CCDC180: variants seen among roughly 807,000 people sequenced by gnomAD.
CCDC180 encodes the protein coiled-coil domain containing 180.
Under a neutral mutation model 209.2 loss-of-function variants are expected in CCDC180, and 154 were observed. That is an observed-to-expected ratio of 0.74 (90% confidence interval 0.65 to 0.84). The LOEUF is 0.84. Ranked by LOEUF, CCDC180 falls within the 40% of genes least tolerant of loss-of-function variation. The pLI is 0.00. For missense variants in CCDC180, 1,874 were observed against 1,997.3 expected (o/e 0.94, Z 1.18); for synonymous variants, 778 against 749.1 (o/e 1.04, Z -0.63).
At chr9:97,374,722 G>A (rs1196466807) in intron 35 of CCDC180, 74 bp downstream of exon 35, 1 of 1,216,496 alleles carries the variant, frequency 8.2e-7, no homozygotes, top group Admixed American at 1.9e-5. Context: ...AATGGTTAGG[G>A]GCTTGGACTC....
Position 97,369,954 on chromosome 9 carries a change from C to T in CCDC180, c.4222C>T (p.Leu1408=). 1 of 1,614,172 alleles carries T rather than the reference C, an allele frequency of 6.2e-7. No homozygotes were observed. Among genetic ancestry groups the T allele is most frequent in the Non-Finnish European group, 8.5e-7 (1 of 1,180,036 alleles). The change falls in exon 32 of 37, where the codon CTG becomes TTG. Residue 1408 remains leucine (L), a synonymous_variant. Coordinates refer to ENST00000529487, the MANE Select transcript of CCDC180 (RefSeq NM_020893.6). ...GATCCAGATCAGGAGATTTGAGGAG[C>T]TGCTGCCCCAAGTGTGTTGGCTGGT... ...LRIQIRRFEE[L]LPQVCWLVME... is the part of the protein sequence containing the mutation.
chr9:97,364,120 T>C lies in CCDC180; in HGVS notation c.3972T>C (p.Pro1324=). The change falls in exon 29 of 37, where the codon CCT becomes CCC. Residue 1324 remains proline (P), a synonymous_variant. Coordinates refer to ENST00000529487, the MANE Select transcript of CCDC180 (RefSeq NM_020893.6). ...KYRVLGDKPP[P]AAEDFKGIIL... ...GGGTGCTTGGGGACAAGCCTCCCCC[T>C]GCTGCCGAGTGAGTAACAACGCCTT... is the stretch of plus-strand genomic sequence containing the variant. The C allele has an allele frequency of 1.9e-6, 3 of 1,614,076 alleles. No homozygotes were observed. The highest frequency in any genetic ancestry group is 2.5e-6 in the Non-Finnish European group (3 of 1,180,002).
chr9:97,376,881 G>C lies in CCDC180; in HGVS notation c.4961G>C (p.Gly1654Ala), dbSNP rs770789135. 1 of 1,611,754 alleles carries C rather than the reference G, an allele frequency of 6.2e-7. No individual in the cohort carries two copies. The highest frequency in any genetic ancestry group is 8.5e-7 in the Non-Finnish European group (1 of 1,179,702). ...AAGCAGTCCCTGCACACTATCCAAG[G>C]CCTGTATGTGTGACCCTCCGCCCCA... The part of the protein sequence containing the change: ...SWKQSLHTIQ[G>A]LYV Residue 1654 changes from glycine (G) to alanine (A), a missense_variant, in exon 37 of 37, where the codon GGC becomes GCC. By Grantham distance (60) the Gly-to-Ala change is moderately conservative. Coordinates refer to ENST00000529487, the MANE Select transcript of CCDC180 (RefSeq NM_020893.6).
At chr9:97,308,317 C>A (rs1287970637) in intron 2 of CCDC180, among the ~76,000 whole-genome samples, 185 bp downstream of exon 2, 1 of 152,178 alleles carries the variant, frequency 6.6e-6, no homozygotes, top group Non-Finnish European at 1.5e-5. Context: ...AATGTCAGTT[C>A]TTGAAAATTA....
chr9:97,344,235 A>G (rs1826181760), intron 19 of CCDC180, among the ~76,000 whole-genome samples: 1 of 152,088 alleles, frequency 6.6e-6, no homozygotes, highest in Non-Finnish European at 1.5e-5. Flanking sequence ...CTGCCTCTAC[A>G]ATGTCATAGG....
intron 2 of CCDC180, 36 bp downstream of exon 2, chr9:97,308,168 C>G: frequency 6.6e-7 from 1 of 1,516,726 alleles, no homozygotes; most frequent in Non-Finnish European, 8.8e-7. Flanking sequence ...TTCTCCATCC[C>G]CCTTCCCTTG....
rs750267281 is a variant in CCDC180, at chr9:97,314,414, G to C, written c.481G>C (p.Asp161His). ...GCAGGAAATGGAACCTCTCATCGTG[G>C]ACACAGGGGGACTTTTTTTGAAGAA... ...VGKEMEPLIV[D>H]TGGLFLKKLT... The change falls in exon 6 of 37, where the codon GAC becomes CAC. Residue 161 changes from aspartate (D) to histidine (H), a missense_variant. By Grantham distance (81) the Asp-to-His change is moderately conservative (BLOSUM62 -1). Transcript: ENST00000529487. The C allele has an allele frequency of 6.2e-7, 1 of 1,614,126 alleles. No homozygotes were observed. The highest frequency in any genetic ancestry group is 8.5e-7 in the Non-Finnish European group (1 of 1,180,020).
At chr9:97,337,004 C>T (rs1447175052) in intron 18 of CCDC180, among the ~76,000 whole-genome samples, 1 of 152,122 alleles carries the variant, frequency 6.6e-6, no homozygotes, top group Non-Finnish European at 1.5e-5. Context: ...GATTTTTGTA[C>T]ATTGATTTTG....
At chr9:97,375,661 C>T in intron 36 of CCDC180, 72 bp downstream of exon 36, 1 of 1,592,614 alleles carries the variant, frequency 6.3e-7, no homozygotes, top group Non-Finnish European at 8.6e-7. Flanking sequence ...GGGGGAGCTT[C>T]CCATCACCCG....
In CCDC180 at chr9:97,307,676, C is replaced by A; in HGVS notation, c.-212C>A. 2 of 1,543,796 alleles carry A rather than the reference C, an allele frequency of 1.3e-6. No homozygotes were observed. Among genetic ancestry groups the A allele is most frequent in the Non-Finnish European group, 1.8e-6 (2 of 1,120,062 alleles). ...GACACCTTGAGCGCCGTTAACTTTT[C>A]CCCGAAGAGCATGGCAGAGTGAAGC... On this transcript the variant is annotated 5_prime_UTR_variant, in exon 1 of 37. Transcript: ENST00000529487.
At chr9:97,370,112 C>A (rs1827037677) in intron 32 of CCDC180, 30 bp downstream of exon 32, 1 of 1,603,994 alleles carries the variant, frequency 6.2e-7, no homozygotes, top group Non-Finnish European at 8.5e-7. Flanking sequence ...CCCTTCCACT[C>A]TAGGACCAGG....
At chr9:97,361,590 T>A (rs1487736138) in intron 26 of CCDC180, 136 bp from the exon 27 acceptor site, 1 of 704,164 alleles carries the variant, frequency 1.4e-6, no homozygotes, top group Non-Finnish European at 2.3e-6. Context: ...GAGAAAATAG[T>A]GGCTCAATGA....
intron 18 of CCDC180, among the ~76,000 whole-genome samples, chr9:97,331,121 C>T (rs1026516492): frequency 6.6e-6 from 1 of 152,078 alleles, no homozygotes; most frequent in Admixed American, 6.6e-5. Flanking sequence ...CTGTTCGCCT[C>T]CTAGTATCCA....
At chr9:97,374,341 T>C (rs575918522) in intron 34 of CCDC180, 231 of 564,260 alleles carry the variant, frequency 4.1e-4, no homozygotes, top group Non-Finnish European at 6.0e-4. Flanking sequence ...GATTCCTCCA[T>C]CCATGACCCC....
chr9:97,329,974 G>A (rs1050606121), intron 16 of CCDC180, among the ~76,000 whole-genome samples, 180 bp from the exon 17 acceptor site: 6 of 151,572 alleles, frequency 4.0e-5, no homozygotes, highest in Non-Finnish European at 8.8e-5. Flanking sequence ...AGGCTGAGGC[G>A]GGAGAATGGT....
chr9:97,346,871 C>T (rs1747567518), intron 19 of CCDC180, among the ~76,000 whole-genome samples: 1 of 152,196 alleles, frequency 6.6e-6, no homozygotes, highest in Admixed American at 6.5e-5. Flanking sequence ...GCCACAGTGC[C>T]CAGCCTAAAT....
chr9:97,367,429 G>C (rs73563875), intron 31 of CCDC180, among the ~76,000 whole-genome samples: 1 of 151,184 alleles, frequency 6.6e-6, no homozygotes, highest in Non-Finnish European at 1.5e-5. Context: ...GTATTACCTT[G>C]GCCAAATGAT....
intron 25 of CCDC180, among the ~76,000 whole-genome samples, chr9:97,358,783 A>T (rs575974961): frequency 2.0e-5 from 3 of 152,188 alleles, no homozygotes; most frequent in African/African-American, 7.2e-5. Flanking sequence ...CCAGAACCAG[A>T]CACCCCAGCC....
chr9:97,311,668 C>CCAT (rs1444308987), intron 3 of CCDC180, among the ~76,000 whole-genome samples: 3 of 152,110 alleles, frequency 2.0e-5, no homozygotes, highest in Non-Finnish European at 2.9e-5. Context: ...TCCTATAAGC[C>CCAT]CCATCCGCCT....
Sources: allele counts gnomAD v4.1 joint callset (sites outside exome capture counted in the v4.1 genomes callset), GRCh38; gene constraint gnomAD v4.1.1; transcripts MANE v1.5; gene names NCBI Gene and HGNC (gene_info 2026-07-23, HGNC 2026-07-21).